Variants in GABRA1 observed in about 807,000 individuals in gnomAD.
GABRA1 encodes the protein gamma-aminobutyric acid type A receptor subunit alpha1.
In GABRA1, 9 loss-of-function variants were observed where a neutral mutation model predicts 48.9. The ratio of observed to expected loss-of-function variants is 0.18; its 90% CI spans 0.11 to 0.32. The LOEUF (loss-of-function observed/expected upper bound fraction) is 0.32, where lower values mean the gene tolerates loss of function less well. Among genes scored for constraint, GABRA1 ranks in the 10% least tolerant of loss-of-function variants. The pLI is 1.00. For missense variants in GABRA1, 285 were observed against 553.8 expected, an observed-to-expected ratio of 0.51 and a Z score of 4.87; for synonymous variants, 210 against 198.7, an observed-to-expected ratio of 1.06 and a Z score of -0.48.
chr5:161,860,723 C>T (rs1757821778), intron 3 of GABRA1, among the ~76,000 whole-genome samples: 1 of 151,506 alleles, frequency 6.6e-6, no homozygotes, highest in Non-Finnish European at 1.5e-5. Context: ...GCATTGCATG[C>T]TTGTATCAAA....
At chr5:161,847,631 T>A (rs1368247030), upstream of GABRA1, 2 of 152,202 alleles carry the variant, frequency 1.3e-5, no homozygotes, top group African/African-American at 4.8e-5. Flanking sequence ...CATTCGTGAC[T>A]CTGCAAGACA....
intron 1 of GABRA1, chr5:161,849,066 G>A (rs1294966501): frequency 2.3e-6 from 1 of 437,954 alleles, no homozygotes; most frequent in Non-Finnish European, 4.6e-6. Context: ...CTGGGGGAGG[G>A]GGAGGTTGAA....
At chr5:161,870,225 C>T (rs1754045849) in intron 4 of GABRA1, among the ~76,000 whole-genome samples, 1 of 152,098 alleles carries the variant, frequency 6.6e-6, no homozygotes, top group Non-Finnish European at 1.5e-5. Context: ...AGTCATTATG[C>T]TATAGTTCTG....
intron 7 of GABRA1, 50 bp downstream of exon 7, chr5:161,882,751 T>G: frequency 2.6e-6 from 4 of 1,550,174 alleles, no homozygotes; most frequent in Non-Finnish European, 3.6e-6. Context: ...AAGAATAATA[T>G]TTTGTGAGAA....
intron 1 of GABRA1, chr5:161,849,171 GGTTT>G (rs1361354927): frequency 1.6e-5 from 4 of 256,020 alleles, no homozygotes; most frequent in Non-Finnish European, 3.1e-5. Context: ...TGCCATGATA[GGTTT>G]GTTTTTCTCT....
At chr5:161,894,057 G>A (rs1189727030) in intron 8 of GABRA1, among the ~76,000 whole-genome samples, 3 of 152,034 alleles carry the variant, frequency 2.0e-5, no homozygotes, top group African/African-American at 7.2e-5. Context: ...TAAAAAAATT[G>A]AATTTATTGT....
At chr5:161,892,143 G>C (rs150176570) in intron 8 of GABRA1, among the ~76,000 whole-genome samples, 2 of 152,218 alleles carry the variant, frequency 1.3e-5, no homozygotes, top group Non-Finnish European at 2.9e-5. Flanking sequence ...TAATTGAAAT[G>C]GGAGTATTGT....
At chr5:161,893,048 T>TAAAA (rs3078113) in intron 8 of GABRA1, among the ~76,000 whole-genome samples, 20 of 142,010 alleles carry the variant, frequency 1.4e-4, no homozygotes, top group East Asian at 4.1e-4. Flanking sequence ...ATAATAATAA[T>TAAAA]AAAATAAACA....
chr5:161,850,329 C>A, intron 1 of GABRA1: 1 of 297,952 alleles, frequency 3.4e-6, no homozygotes, highest in South Asian at 1.6e-4. Context: ...TCAGCCATCA[C>A]AACATGTTAA....
intron 6 of GABRA1, among the ~76,000 whole-genome samples, chr5:161,879,416 T>C (rs1477326509): frequency 6.6e-6 from 1 of 152,212 alleles, no homozygotes; most frequent in African/African-American, 2.4e-5. Context: ...CCAGCCACCT[T>C]GTGGTCTTAT....
intron 4 of GABRA1, chr5:161,872,091 G>A (rs1397390669): frequency 2.6e-5 from 4 of 152,600 alleles, no homozygotes; most frequent in East Asian, 1.9e-4. Context: ...ATGTAAAAGG[G>A]CTTAAAGGAT....
intron 7 of GABRA1, among the ~76,000 whole-genome samples, chr5:161,887,141 A>G (rs1025314125): frequency 2.0e-5 from 3 of 152,194 alleles, no homozygotes; most frequent in Non-Finnish European, 4.4e-5. Context: ...AAATTTGATT[A>G]TAAGAAAATT....
rs1754619943 is a variant in GABRA1, at chr5:161,881,690, C to A, written c.560-868C>A. 3 of 152,068 alleles carry A rather than the reference C, an allele frequency of 2.0e-5. No homozygotes were observed. The South Asian group carries it at 6.2e-4, about 31-fold the overall frequency. The allele number at this position is 152,068 out of a possible 1,614,324, so 9.4% of individuals were successfully genotyped here. A position where few individuals can be genotyped will look rare whatever the true frequency, so the allele number is the denominator to read the frequency against. On this transcript the variant is annotated intron_variant, in intron 6 of 9. Coordinates refer to ENST00000393943, the MANE Select transcript of GABRA1 (RefSeq NM_001127644.2). ...TTAACAATAATTTGGACCAAAGCTACTGCCTCTAACCTCATTTCATCTCTC... is the reference window on the plus strand; with the variant it reads ...TTAACAATAATTTGGACCAAAGCTAATGCCTCTAACCTCATTTCATCTCTC...
intron 6 of GABRA1, chr5:161,881,968 GGGA>G (rs139350349): frequency 0.022 from 3,317 of 149,846 alleles, 51 homozygotes; most frequent in Non-Finnish European, 0.036. Flanking sequence ...CAGGGGGAGG[GGGA>G]GGAGGAGGAG....
intron 3 of GABRA1, among the ~76,000 whole-genome samples, chr5:161,860,534 A>C (rs1757811815): frequency 6.6e-6 from 1 of 151,858 alleles, no homozygotes; most frequent in Non-Finnish European, 1.5e-5. Flanking sequence ...AAGAAAGTAC[A>C]AAAAAGTAGG....
Position 161,899,857 on chromosome 5 carries a change from G to A in GABRA1, c.*2435G>A, listed in dbSNP as rs1246677915. On this transcript the variant is annotated 3_prime_UTR_variant, in exon 10 of 10. Transcript: ENST00000393943. ...ACATGAATCAAGGTTGTTTATGGCAGATGCATGTGTTGCTTTACAGAGTTT... is the reference window on the plus strand; with the variant it reads ...ACATGAATCAAGGTTGTTTATGGCAAATGCATGTGTTGCTTTACAGAGTTT... 1 of 152,206 alleles carries A rather than the reference G, an allele frequency of 6.6e-6. No homozygotes were observed. The highest frequency in any genetic ancestry group is 1.5e-5 in the Non-Finnish European group (1 of 68,012). 9.4% of individuals were successfully genotyped at this position (152,206 alleles called of 1,614,324 possible).
In GABRA1 at chr5:161,897,258, G is replaced by A. The variant is rs775157869; in HGVS notation, c.1207G>A (p.Glu403Lys). 8.1e-6 allele frequency: 13 copies of A among 1,614,098 alleles called. No homozygotes were observed. Among genetic ancestry groups the A allele is most frequent in the African/African-American group, 1.3e-5 (1 of 75,034 alleles). ...ATIEPKEVKPETKPPEPKKTF... is the reference protein window; with the variant it reads ...ATIEPKEVKPKTKPPEPKKTF... ...CATAGAACCTAAAGAGGTCAAGCCC[G>A]AAACAAAACCACCAGAACCCAAGAA... The change falls in exon 10 of 10, where the codon GAA (glutamate) becomes AAA (lysine). Residue 403 changes from glutamate (E) to lysine (K), a missense_variant. Glu to Lys is a moderately conservative substitution (Grantham distance 56). This residue lies in a region of GABRA1 where 99 missense variants were observed against 94.2 expected (regional missense o/e 1.05). Coordinates refer to ENST00000393943, the MANE Select transcript of GABRA1 (RefSeq NM_001127644.2).
At chr5:161,876,801 T>C (rs766481703) in intron 6 of GABRA1, among the ~76,000 whole-genome samples, 2 of 152,228 alleles carry the variant, frequency 1.3e-5, no homozygotes, top group African/African-American at 2.4e-5. Flanking sequence ...ATGTGCTACA[T>C]GTTACTTGCA....
rs1434894278 is a variant in GABRA1 at position 161,851,272 on chromosome 5, A to G, written c.74+388A>G. Among the ~76,000 whole-genome samples, 24 of 152,176 alleles carry G rather than the reference A, an allele frequency of 1.6e-4. 1 individual carries two copies. The highest frequency in any genetic ancestry group is 1.6e-3 in the Admixed American group (24 of 15,274). On this transcript the variant is annotated intron_variant, in intron 2 of 9. Transcript: ENST00000393943. ...TTCTAGCCTATTGTAAAGATCATAG[A>G]GTAACTTTTGTGTTTATAGAAATGG...
Sources: allele counts gnomAD v4.1 joint callset (sites outside exome capture counted in the v4.1 genomes callset), GRCh38; gene constraint gnomAD v4.1.1; regional missense constraint gnomAD v4.1.1; transcripts MANE v1.5; gene names NCBI Gene and HGNC (gene_info 2026-07-23, HGNC 2026-07-21).